TGS1: variants seen among roughly 807,000 people sequenced by gnomAD.
TGS1 encodes the protein trimethylguanosine synthase.
TGS1 carries 69 observed loss-of-function variants against 92.2 expected under a neutral mutation model. The observed-to-expected ratio is 0.75, with a 90% CI of 0.62 to 0.91. TGS1 has a LOEUF of 0.91. Ranked by LOEUF, TGS1 falls within the 40% of genes least tolerant of loss-of-function variation. The pLI is 0.00. For missense variants in TGS1, 1,062 were observed against 1,001.2 expected, an observed-to-expected ratio of 1.06 and a Z score of -0.82; for synonymous variants, 345 against 338.1, an observed-to-expected ratio of 1.02 and a Z score of -0.22.
intron 5 of TGS1, among the ~76,000 whole-genome samples, chr8:55,791,075 G>A (rs1350031417): frequency 1.3e-5 from 2 of 152,052 alleles, no homozygotes; most frequent in Non-Finnish European, 2.9e-5. Context: ...TGCTCTCATT[G>A]TATAGATAGG....
chr8:55,773,918 A>T (rs1811298485), intron 1 of TGS1, among the ~76,000 whole-genome samples, 199 bp downstream of exon 1: 1 of 152,204 alleles, frequency 6.6e-6, no homozygotes, highest in African/African-American at 2.4e-5. Flanking sequence ...GAAGGACTAC[A>T]TCTACTTGGT....
At position 55,802,597 on chromosome 8, in the gene TGS1, T is replaced by C. The variant is rs1233335584; in HGVS notation, c.1990T>C (p.Leu664=). 3 of 1,611,002 alleles carry C rather than the reference T, an allele frequency of 1.9e-6. No individual in the cohort carries two copies. The African/African-American group carries it at 4.0e-5, about 22-fold the overall frequency. Residue 664 remains leucine, a synonymous_variant, in exon 9 of 13, where the codon TTG becomes CTG. Transcript: ENST00000260129. ...LFSRFDDGIK[L]DREGWFSVTP... The stretch of plus-strand genomic sequence containing the variant: ...CTCCCGTTTTGATGATGGGATTAAG[T>C]TGGACAGAGGTAAAGTATATATGTA...
intron 12 of TGS1, 64 bp from the exon 13 acceptor site, chr8:55,824,517 A>C: frequency 6.2e-7 from 1 of 1,600,108 alleles, no homozygotes; most frequent in South Asian, 1.1e-5. Context: ...AAAGCAGTAC[A>C]AGTGAAAGAC....
intron 1 of TGS1, among the ~76,000 whole-genome samples, chr8:55,777,487 G>A (rs960111053): frequency 2.0e-5 from 3 of 151,886 alleles, no homozygotes; most frequent in African/African-American, 4.8e-5. Context: ...GCTATCTTCA[G>A]CTGTCTTTGC....
At chr8:55,785,982 C>T in intron 3 of TGS1, 91 bp downstream of exon 3, 1 of 1,030,486 alleles carries the variant, frequency 9.7e-7, no homozygotes. Context: ...TATATGCATT[C>T]ACGATCAGCG....
chr8:55,785,086 A>G (rs1375554095), intron 2 of TGS1, among the ~76,000 whole-genome samples: 2 of 147,082 alleles, frequency 1.4e-5, no homozygotes, highest in African/African-American at 5.1e-5. Context: ...TTTTTTTGAG[A>G]CAGAGTCTCG....
intron 6 of TGS1, among the ~76,000 whole-genome samples, chr8:55,794,222 G>A (rs566651520): frequency 2.6e-4 from 40 of 152,060 alleles, no homozygotes; most frequent in Non-Finnish European, 4.4e-5. Flanking sequence ...GTGCAGTGCT[G>A]TTTTAAGTTT....
At chr8:55,806,084 G>A (rs540319103) in intron 10 of TGS1, among the ~76,000 whole-genome samples, 8 of 151,162 alleles carry the variant, frequency 5.3e-5, no homozygotes, top group Non-Finnish European at 1.0e-4. Flanking sequence ...GGCCGGGCAC[G>A]GTGGCTCATG....
At chr8:55,804,417 G>A (rs1328995572) in intron 9 of TGS1, among the ~76,000 whole-genome samples, 3 of 152,112 alleles carry the variant, frequency 2.0e-5, no homozygotes, top group African/African-American at 7.2e-5. Flanking sequence ...CTCCAGCCTG[G>A]GCAACAGAGC....
chr8:55,824,526 A>T, intron 12 of TGS1, 55 bp from the exon 13 acceptor site: 2 of 1,605,760 alleles, frequency 1.2e-6, no homozygotes, highest in East Asian at 2.2e-5. Context: ...CAAGTGAAAG[A>T]CTTTTGAAAT....
chr8:55,802,633 T>C, intron 9 of TGS1, 27 bp downstream of exon 9: 6 of 1,574,438 alleles, frequency 3.8e-6, no homozygotes, highest in Non-Finnish European at 5.2e-6. Flanking sequence ...TTTTTTAGCT[T>C]TATTTTGAAA....
At chr8:55,814,171 A>G (rs1236508517) in intron 12 of TGS1, among the ~76,000 whole-genome samples, 1 of 152,000 alleles carries the variant, frequency 6.6e-6, no homozygotes, top group Non-Finnish European at 1.5e-5. Context: ...TGGTCTCAAA[A>G]TTAAAGGCTC....
chr8:55,783,660 A>G (rs1017858333), intron 2 of TGS1, among the ~76,000 whole-genome samples: 4 of 152,178 alleles, frequency 2.6e-5, no homozygotes, highest in African/African-American at 4.8e-5. Context: ...GTCCTTCCAC[A>G]TAGACCTTTT....
At chr8:55,799,769 G>A (rs1220304960) in intron 8 of TGS1, among the ~76,000 whole-genome samples, 1 of 151,944 alleles carries the variant, frequency 6.6e-6, no homozygotes, top group Non-Finnish European at 1.5e-5. Flanking sequence ...TAGAGACACA[G>A]GGTCTCACTA....
Position 55,796,006 on chromosome 8 carries a change from C to T in TGS1, c.1396C>T (p.Arg466Trp), listed in dbSNP as rs547391666. ...TGGTGGAATCCCAAATTTCAGTCAT[C>T]GGCAGGTCAGGTATTTAGAGAAGAA... is the stretch of plus-strand genomic sequence containing the variant. ...KYGGIPNFSH[R>W]QVRYLEKNVK... Residue 466 changes from arginine to tryptophan, a missense_variant, in exon 7 of 13, where the codon CGG becomes TGG. Transcript: ENST00000260129. The T allele has an allele frequency of 1.1e-5, 18 of 1,613,266 alleles. No homozygotes were observed. The highest frequency in any genetic ancestry group is 2.2e-5 in the East Asian group (1 of 44,772).
At chr8:55,784,633 A>G (rs1249373556) in intron 2 of TGS1, among the ~76,000 whole-genome samples, 2 of 152,172 alleles carry the variant, frequency 1.3e-5, no homozygotes, top group African/African-American at 4.8e-5. Flanking sequence ...AACTTCTAAT[A>G]GCAGAATCCT....
chr8:55,775,110 C>A (rs1480077361), intron 1 of TGS1, among the ~76,000 whole-genome samples: 2 of 151,848 alleles, frequency 1.3e-5, no homozygotes, highest in Non-Finnish European at 2.9e-5. Context: ...TAAAATTAGC[C>A]AGCTGTGGTG....
At chr8:55,802,338 T>C in intron 8 of TGS1, 119 bp from the exon 9 acceptor site, 1 of 755,196 alleles carries the variant, frequency 1.3e-6, no homozygotes, top group Non-Finnish European at 2.1e-6. Flanking sequence ...TCTCTGGGCG[T>C]GTCATTATAT....
Position 55,785,793 on chromosome 8 carries a change from G to A in TGS1, c.241G>A (p.Gly81Ser). 6.2e-7 allele frequency: 1 copy of A among 1,613,892 alleles called. No individual in the cohort carries two copies. The highest frequency in any genetic ancestry group is 8.5e-7 in the Non-Finnish European group (1 of 1,179,888). Residue 81 changes from glycine (G) to serine (S), a missense_variant, in exon 3 of 13, where the codon GGC becomes AGC. Gly to Ser is a moderately conservative substitution (Grantham distance 56, BLOSUM62 0). Coordinates refer to ENST00000260129, the MANE Select transcript of TGS1 (RefSeq NM_024831.8). ...AGAATCACATGACAGCAAAGGCATA[G>A]GCCTGGATGAAAGTGAACTTGATTC... is the stretch of plus-strand genomic sequence containing the variant. ...TAESHDSKGI[G>S]LDESELDSEA... is the part of the protein sequence containing the mutation.
Sources: allele counts gnomAD v4.1 joint callset (sites outside exome capture counted in the v4.1 genomes callset), GRCh38; gene constraint gnomAD v4.1.1; transcripts MANE v1.5; gene names NCBI Gene and HGNC (gene_info 2026-07-23, HGNC 2026-07-21).